The following PREP variants were observed in gnomAD, a reference collection of about 807,000 sequenced individuals.
PREP encodes dJ355L5.1 (prolyl endopeptidase).
PREP carries 29 observed loss-of-function variants against 87.6 expected under a neutral mutation model. That is an observed-to-expected ratio of 0.33 (90% CI 0.25 to 0.45). The LOEUF is 0.45. Among genes scored for constraint, PREP ranks in the 20% least tolerant of loss-of-function variants. PREP has a pLI of 1.00. For synonymous variants in PREP, 337 were observed against 328.6 expected (o/e 1.03, Z -0.28); for missense variants, 695 against 886.5 (o/e 0.78, Z 2.74).
At position 105,322,349 on chromosome 6, in the gene PREP, T is replaced by G. The variant is rs1583054521; in HGVS notation, c.1317+1316A>C. On this transcript the variant is annotated intron_variant, in intron 10 of 14. Transcript: ENST00000652536. ...TGCCAGATCTTGAATATACCTTATCTCTTAATAATCCCACAGGAATCCTAA... is the reference window on the plus strand; with the variant it reads ...TGCCAGATCTTGAATATACCTTATCGCTTAATAATCCCACAGGAATCCTAA... 3.2e-6 allele frequency: 3 copies of G among 930,312 alleles called. No homozygotes were observed. In the South Asian group the frequency reaches 1.5e-4, roughly 46 times the overall value. 57.6% of individuals were successfully genotyped at this position (930,312 alleles called of 1,614,324 possible).
At chr6:105,317,637 G>A (rs1435391153) in intron 10 of PREP, among the ~76,000 whole-genome samples, 1 of 152,122 alleles carries the variant, frequency 6.6e-6, no homozygotes, top group Non-Finnish European at 1.5e-5. Flanking sequence ...CCAAACACCA[G>A]GCCCAAGGAT....
intron 7 of PREP, among the ~76,000 whole-genome samples, chr6:105,339,269 A>G (rs959489482): frequency 2.6e-5 from 4 of 152,256 alleles, no homozygotes; most frequent in Admixed American, 2.0e-4. Context: ...ACCCAGGCAA[A>G]CAGCATCTGG....
chr6:105,328,064 AC>A (rs1771217952), intron 9 of PREP, among the ~76,000 whole-genome samples: 1 of 152,124 alleles, frequency 6.6e-6, no homozygotes, highest in Admixed American at 6.5e-5. Flanking sequence ...ACCAAATAAC[AC>A]CCATGTTTTC....
intron 6 of PREP, 59 bp downstream of exon 6, chr6:105,368,844 T>C: frequency 1.3e-6 from 2 of 1,594,636 alleles, no homozygotes; most frequent in East Asian, 2.2e-5. Flanking sequence ...ATAAGAATAT[T>C]TATACACACA....
intron 6 of PREP, among the ~76,000 whole-genome samples, chr6:105,364,774 T>C (rs527554655): frequency 1.1e-4 from 17 of 152,286 alleles, no homozygotes; most frequent in African/African-American, 3.6e-4. Context: ...CGAACTAGAA[T>C]AAAAATTTCT....
At position 105,300,623 on chromosome 6, in the gene PREP, T is replaced by TAA. The variant is rs138225078; in HGVS notation, c.1318-11731_1318-11730dup. Among the ~76,000 whole-genome samples, 1,053 of 146,870 alleles carry TAA rather than the reference T, an allele frequency of 7.2e-3. 34 individuals are homozygous for TAA. The East Asian group carries it at 0.1, about 14-fold the overall frequency. On this transcript the variant is annotated intron_variant, in intron 10 of 14. Transcript: ENST00000652536. ...GATCCTTGAGCTGAATGCTTTATGT[T>TAA]AAAAAAAAAAAACTACTGAAGAAAT...
At chr6:105,394,249 A>T (rs1465046247) in intron 2 of PREP, among the ~76,000 whole-genome samples, 2 of 152,228 alleles carry the variant, frequency 1.3e-5, no homozygotes, top group Non-Finnish European at 2.9e-5. Flanking sequence ...CTTAAACAAG[A>T]TGACAAATAT....
At chr6:105,402,379 G>GT (rs1337665008) in intron 1 of PREP, among the ~76,000 whole-genome samples, 3 of 151,884 alleles carry the variant, frequency 2.0e-5, no homozygotes, top group Non-Finnish European at 4.4e-5. Flanking sequence ...ACTTTAAAGT[G>GT]TAAGTTTTAA....
At chr6:105,282,128 C>T (rs372992026) in intron 13 of PREP, among the ~76,000 whole-genome samples, 7 of 152,254 alleles carry the variant, frequency 4.6e-5, no homozygotes, top group South Asian at 2.1e-4. Context: ...GAGCTTTACT[C>T]CCCAAAGTGA....
rs67107334 is a variant in PREP, at chr6:105,397,185, C to CAAAAAAAAA, written c.120+659_120+667dup. 1.7e-4 allele frequency among the ~76,000 whole-genome samples: 15 copies of CAAAAAAAAA among 86,858 alleles called. 1 individual carries two copies. Among genetic ancestry groups the CAAAAAAAAA allele is most frequent in the East Asian group, 1.2e-3 (3 of 2,586 alleles). The allele number at this position is 86,858 out of a possible 152,430, so 57.0% of individuals were successfully genotyped here. On this transcript the variant is annotated intron_variant, in intron 2 of 14. Coordinates refer to ENST00000652536, the MANE Select transcript of PREP (RefSeq NM_002726.5). Reference sequence around the variant, plus strand: ...GGGTGACAGAGTAAGACTCTGTCTACAAAAAAAAAAAAAAAAAGTATACAT... The same window carrying CAAAAAAAAA: ...GGGTGACAGAGTAAGACTCTGTCTACAAAAAAAAAAAAAAAAAAAAAAAAAAGTATACAT...
At chr6:105,336,173 T>C (rs1771471813) in intron 7 of PREP, among the ~76,000 whole-genome samples, 1 of 152,086 alleles carries the variant, frequency 6.6e-6, no homozygotes, top group Non-Finnish European at 1.5e-5. Context: ...GGCAAGAGAA[T>C]TGCTTGAATC....
chr6:105,377,631 C>T, intron 2 of PREP, 112 bp from the exon 3 acceptor site: 2 of 1,142,228 alleles, frequency 1.8e-6, no homozygotes, highest in East Asian at 5.1e-5. Context: ...GCCAGTGCCT[C>T]TTCTCTCTCA....
intron 2 of PREP, among the ~76,000 whole-genome samples, chr6:105,388,572 T>C (rs1773061254): frequency 1.3e-5 from 2 of 152,112 alleles, no homozygotes; most frequent in Non-Finnish European, 2.9e-5. Context: ...AATTATCCCA[T>C]CCGGAGATCA....
chr6:105,332,611 A>G (rs1771366039), intron 8 of PREP, among the ~76,000 whole-genome samples: 1 of 152,206 alleles, frequency 6.6e-6, no homozygotes, highest in South Asian at 2.1e-4. Context: ...TTGGCCTAAT[A>G]GTACTGAATT....
intron 2 of PREP, among the ~76,000 whole-genome samples, chr6:105,385,158 G>T (rs959282202): frequency 2.0e-5 from 3 of 151,330 alleles, no homozygotes; most frequent in African/African-American, 7.3e-5. Flanking sequence ...CTACAATAAA[G>T]GTGTTTTATG....
At chr6:105,321,238 C>G (rs1158537958) in intron 10 of PREP, among the ~76,000 whole-genome samples, 1 of 152,166 alleles carries the variant, frequency 6.6e-6, no homozygotes, top group East Asian at 1.9e-4. Flanking sequence ...TGAAGAGCAA[C>G]GCATTAAGAT....
intron 6 of PREP, among the ~76,000 whole-genome samples, chr6:105,359,429 T>C (rs1772186975): frequency 6.6e-6 from 1 of 152,202 alleles, no homozygotes; most frequent in Non-Finnish European, 1.5e-5. Flanking sequence ...AGAAGTAGAA[T>C]TCCCCTAGTT....
rs1301055369 is a variant in PREP, at chr6:105,333,409, T to A, written c.920A>T (p.Gln307Leu). 6.2e-7 allele frequency: 1 copy of A among 1,614,190 alleles called. No individual in the cohort carries two copies. The change falls in exon 8 of 15, where the codon CAG becomes CTG. Residue 307 changes from glutamine to leucine, a missense_variant. Gln to Leu is a moderately radical substitution (Grantham distance 113, BLOSUM62 -2). This residue lies in a region of PREP where 517 missense variants were observed against 620.3 expected (regional missense o/e 0.83). Transcript: ENST00000652536. ...GTTGATCACGCGATAGTTGGGAGACTGGCGATTCGTCTTGAATGTGAACAC... is the reference window on the plus strand; with the variant it reads ...GTTGATCACGCGATAGTTGGGAGACAGGCGATTCGTCTTGAATGTGAACAC... ...GTVFTFKTNR[Q>L]SPNYRVINID...
At chr6:105,370,484 CT>C (rs1196053467) in intron 5 of PREP, among the ~76,000 whole-genome samples, 2 of 152,022 alleles carry the variant, frequency 1.3e-5, no homozygotes, top group African/African-American at 4.8e-5. Context: ...TCTTATAAAA[CT>C]GAACAGACTC....
Sources: allele counts gnomAD v4.1 joint callset (sites outside exome capture counted in the v4.1 genomes callset), GRCh38; gene constraint gnomAD v4.1.1; regional missense constraint gnomAD v4.1.1; transcripts MANE v1.5; gene names NCBI Gene and HGNC (gene_info 2026-07-23, HGNC 2026-07-21).